Variants in TNPO1 observed in about 807,000 individuals in gnomAD.
TNPO1 encodes transportin-1.
TNPO1 carries 8 observed loss-of-function variants against 119.5 expected under a neutral mutation model. The ratio of observed to expected loss-of-function variants is 0.07; its 90% CI spans 0.04 to 0.12. TNPO1 has a LOEUF of 0.12. Ranked by LOEUF, TNPO1 falls within the 10% of genes least tolerant of loss-of-function variation. The probability of loss-of-function intolerance (pLI) is 1.00; values close to 1 mark genes in which losing one functional copy is unlikely to be tolerated. For missense variants in TNPO1, 576 were observed against 1,089.8 expected (o/e 0.53, Z 6.64); for synonymous variants, 362 against 363.0 (o/e 1.00, Z 0.03).
At chr5:72,881,479 T>A (rs1748244606) in intron 9 of TNPO1, among the ~76,000 whole-genome samples, 1 of 152,206 alleles carries the variant, frequency 6.6e-6, no homozygotes, top group Non-Finnish European at 1.5e-5. Flanking sequence ...TCTGAAGTCT[T>A]TTCTTTAACC....
In TNPO1 at chr5:72,848,161, GGCA is replaced by G. The variant is rs560866359; in HGVS notation, c.16-213_16-211del. ...GCTCCTTGCGCTCGGCGGCCGCGGCGGCAGCAGCAGCAGACGCTGGCGGCCGGG... is the reference window on the plus strand; with the variant it reads ...GCTCCTTGCGCTCGGCGGCCGCGGCGGCAGCAGCAGACGCTGGCGGCCGGG... On this transcript the variant is annotated intron_variant, in intron 1 of 24. Transcript: ENST00000337273. 10,472 of 1,205,870 alleles carry G rather than the reference GGCA, an allele frequency of 8.7e-3. 101 individuals carry two copies. The highest frequency in any genetic ancestry group is 0.041 in the South Asian group (1,548 of 37,606). 74.7% of individuals were successfully genotyped at this position (1,205,870 alleles called of 1,614,324 possible).
chr5:72,862,144 T>C (rs1341071011), intron 5 of TNPO1, among the ~76,000 whole-genome samples: 1 of 152,236 alleles, frequency 6.6e-6, no homozygotes, highest in African/African-American at 2.4e-5. Context: ...GTATCTTGCT[T>C]TTCTGTTCTA....
intron 4 of TNPO1, among the ~76,000 whole-genome samples, chr5:72,857,656 C>T (rs1178031370): frequency 6.6e-6 from 1 of 152,202 alleles, no homozygotes; most frequent in Non-Finnish European, 1.5e-5. Context: ...TGGGTTTCCT[C>T]TGAGTGTTGG....
chr5:72,870,094 G>A (rs34673), intron 6 of TNPO1, among the ~76,000 whole-genome samples: 5 of 149,770 alleles, frequency 3.3e-5, no homozygotes, highest in Admixed American at 2.0e-4. Flanking sequence ...TGGAATTTAC[G>A]TTGGAATAAC....
chr5:72,883,945 T>G (rs1748438942), intron 11 of TNPO1, among the ~76,000 whole-genome samples: 1 of 151,972 alleles, frequency 6.6e-6, no homozygotes, highest in Non-Finnish European at 1.5e-5. Context: ...AGAGACAGTT[T>G]TGCCATGTTG....
chr5:72,878,967 A>G (rs1748029586), intron 9 of TNPO1: 2 of 489,232 alleles, frequency 4.1e-6, no homozygotes, highest in Non-Finnish European at 8.3e-6. Flanking sequence ...CACTGTTTCC[A>G]TGGGCCCAGA....
Position 72,910,361 on chromosome 5 carries a change from C to T in TNPO1, c.*1688C>T, listed in dbSNP as rs1459580031. The T allele has an allele frequency of 2.0e-5, 3 of 152,516 alleles. No individual in the cohort carries two copies. Among genetic ancestry groups the T allele is most frequent in the African/African-American group, 4.8e-5 (2 of 41,406 alleles). 9.4% of individuals were successfully genotyped at this position (152,516 alleles called of 1,614,324 possible). On this transcript the variant is annotated 3_prime_UTR_variant, in exon 25 of 25. Coordinates refer to ENST00000337273, the MANE Select transcript of TNPO1 (RefSeq NM_002270.4). ...CCTTCCATGTGTATTTTCTTATATA[C>T]TGTGAATGTGAAAACCTAACTGGTA...
chr5:72,860,892 T>C (rs960173584), intron 4 of TNPO1, among the ~76,000 whole-genome samples: 1 of 152,072 alleles, frequency 6.6e-6, no homozygotes, highest in Non-Finnish European at 1.5e-5. Context: ...TTCTTTCTAC[T>C]CTTTTGTATG....
chr5:72,883,016 T>C (rs1216836183), intron 10 of TNPO1, 48 bp from the exon 11 acceptor site: 11 of 1,318,752 alleles, frequency 8.3e-6, no homozygotes, highest in East Asian at 2.3e-5. Flanking sequence ...GTACATACTA[T>C]TAGCCTATAA....
At chr5:72,826,725 C>T (rs1002124545) in intron 1 of TNPO1, among the ~76,000 whole-genome samples, 3 of 152,136 alleles carry the variant, frequency 2.0e-5, no homozygotes, top group African/African-American at 4.8e-5. Flanking sequence ...AAGTTTGTTA[C>T]AGAACAGGCC....
In TNPO1 at chr5:72,896,562, A is replaced by T. The variant is rs1405452911; in HGVS notation, c.2242+6A>T. ...AGAAATCTCCATTCAAATGGGTAAG[A>T]TGTTTTTCCCTATTTAAAAGCATAA... On this transcript the variant is annotated splice_donor_region_variant and intron_variant, in intron 19 of 24. Coordinates refer to ENST00000337273, the MANE Select transcript of TNPO1 (RefSeq NM_002270.4). 6.2e-7 allele frequency: 1 copy of T among 1,608,468 alleles called. No homozygotes were observed. The highest frequency in any genetic ancestry group is 8.5e-7 in the Non-Finnish European group (1 of 1,177,554).
At chr5:72,891,958 T>A in intron 15 of TNPO1, 62 bp downstream of exon 15, 1 of 1,246,754 alleles carries the variant, frequency 8.0e-7, no homozygotes, top group Non-Finnish European at 1.1e-6. Context: ...CCAAAATGGG[T>A]ATATATGATA....
chr5:72,905,242 G>A, intron 23 of TNPO1, 61 bp from the exon 24 acceptor site: 3 of 1,221,318 alleles, frequency 2.5e-6, no homozygotes, highest in Non-Finnish European at 3.5e-6. Flanking sequence ...GATTTCAGAA[G>A]CTATGCTGAT....
At chr5:72,859,614 G>A (rs764810715) in intron 4 of TNPO1, among the ~76,000 whole-genome samples, 2 of 152,180 alleles carry the variant, frequency 1.3e-5, no homozygotes, top group African/African-American at 4.8e-5. Context: ...CTGAATGACT[G>A]TGGGGTAATT....
chr5:72,822,374 A>G (rs139051390), intron 1 of TNPO1, among the ~76,000 whole-genome samples: 15 of 151,304 alleles, frequency 9.9e-5, no homozygotes, highest in African/African-American at 3.6e-4. Context: ...TTTTGTTAGT[A>G]TGTATTGAGA....
intron 1 of TNPO1, among the ~76,000 whole-genome samples, chr5:72,826,528 T>C (rs1456684140): frequency 6.6e-6 from 1 of 152,154 alleles, no homozygotes; most frequent in Non-Finnish European, 1.5e-5. Context: ...TTTGTTTTAT[T>C]TTTTGCTGTA....
At chr5:72,858,768 C>T (rs1243447138) in intron 4 of TNPO1, among the ~76,000 whole-genome samples, 1 of 151,400 alleles carries the variant, frequency 6.6e-6, no homozygotes, top group African/African-American at 2.4e-5. Context: ...ACCCGGGAGG[C>T]GGAGCTTGCA....
chr5:72,904,181 C>T (rs991527904), intron 23 of TNPO1, among the ~76,000 whole-genome samples: 5 of 152,174 alleles, frequency 3.3e-5, no homozygotes, highest in African/African-American at 1.2e-4. Flanking sequence ...TTGATTAACT[C>T]GTCAGTACTC....
intron 6 of TNPO1, among the ~76,000 whole-genome samples, chr5:72,868,458 A>AAAAAAACAC (rs1554052270): frequency 5.3e-5 from 6 of 113,314 alleles, no homozygotes; most frequent in Non-Finnish European, 1.1e-4. Flanking sequence ...AAAAAAAAAA[A>AAAAAAACAC]ACACAAAATA....
Sources: gnomAD v4.1 joint callset for allele counts (sites outside exome capture counted in the v4.1 genomes callset) on GRCh38, gnomAD v4.1.1 for gene constraint, MANE v1.5 for transcripts, NCBI Gene and HGNC (gene_info 2026-07-23, HGNC 2026-07-21) for gene names.